The following WNT3 variants were observed in gnomAD, a reference collection of about 807,000 sequenced individuals.
WNT3 encodes proto-oncogene Wnt-3.
In WNT3, 7 loss-of-function variants were observed where a neutral mutation model predicts 34.2. The ratio of observed to expected loss-of-function variants is 0.20; its 90% confidence interval spans 0.12 to 0.38. WNT3 has a LOEUF of 0.38. Among genes scored for constraint, WNT3 ranks in the 10% least tolerant of loss-of-function variants. The pLI is 1.00. For synonymous variants in WNT3, 212 were observed against 211.5 expected, an observed-to-expected ratio of 1.00 and a Z score of -0.02; for missense variants, 267 against 499.8, an observed-to-expected ratio of 0.53 and a Z score of 4.44.
At chr17:46,784,835 G>A (rs2059489240) in intron 1 of WNT3, among the ~76,000 whole-genome samples, 1 of 150,842 alleles carries the variant, frequency 6.6e-6, no homozygotes, top group Admixed American at 6.6e-5. Flanking sequence ...GAGTGCAGTG[G>A]CGCGATCTCG....
intron 1 of WNT3, among the ~76,000 whole-genome samples, chr17:46,775,507 T>C (rs2059405465): frequency 6.6e-6 from 1 of 152,090 alleles, no homozygotes; most frequent in Admixed American, 6.6e-5. Context: ...GTGGAGGAAC[T>C]GAGGAGCCAG....
chr17:46,806,967 C>T (rs1288753859), intron 1 of WNT3, among the ~76,000 whole-genome samples: 2 of 152,164 alleles, frequency 1.3e-5, no homozygotes, highest in Admixed American at 6.5e-5. Context: ...GTGGCAATAG[C>T]ACCGTCGGCT....
intron 1 of WNT3, among the ~76,000 whole-genome samples, chr17:46,815,458 T>C (rs972646724): frequency 6.6e-6 from 1 of 152,178 alleles, no homozygotes; most frequent in Non-Finnish European, 1.5e-5. Flanking sequence ...CTGTAAATCC[T>C]TCCTGGGGAA....
chr17:46,801,095 C>A (rs2084119336), intron 1 of WNT3, among the ~76,000 whole-genome samples: 1 of 152,190 alleles, frequency 6.6e-6, no homozygotes, highest in South Asian at 2.1e-4. Flanking sequence ...CTCACAATAG[C>A]CCTCGTTATC....
chr17:46,785,567 C>T lies in WNT3; in HGVS notation c.81-11658G>A, dbSNP rs542035284. ...AATGACCACTTCTACATGCTGTGGA[C>T]GACTTTAGCAACTCCCTTCTGCCCG... is the stretch of plus-strand genomic sequence containing the variant. On this transcript the variant is annotated intron_variant, in intron 1 of 4. Coordinates refer to ENST00000225512, the MANE Select transcript of WNT3 (RefSeq NM_030753.5). Among the ~76,000 whole-genome samples, 12 of 152,344 alleles carry T rather than the reference C, an allele frequency of 7.9e-5. No individual in the cohort carries two copies. In the South Asian group the frequency reaches 1.9e-3, roughly 24 times the overall value.
intron 1 of WNT3, among the ~76,000 whole-genome samples, chr17:46,817,855 G>C (rs1177428394): frequency 6.6e-6 from 1 of 152,102 alleles, no homozygotes; most frequent in Non-Finnish European, 1.5e-5. Flanking sequence ...CCTTTTGCCA[G>C]GGTGGACAAG....
chr17:46,781,311 G>A (rs1258162848), intron 1 of WNT3, among the ~76,000 whole-genome samples: 2 of 151,378 alleles, frequency 1.3e-5, no homozygotes, highest in East Asian at 1.9e-4. Flanking sequence ...CAAGCTAAGC[G>A]ACAGAAGCCA....
chr17:46,771,702 C>T (rs1233663241), intron 2 of WNT3, among the ~76,000 whole-genome samples: 2 of 143,778 alleles, frequency 1.4e-5, no homozygotes, highest in African/African-American at 2.5e-5. Flanking sequence ...GCGGCCGGGC[C>T]GCGCCCCCGG....
chr17:46,776,906 C>A (rs559860777), intron 1 of WNT3, among the ~76,000 whole-genome samples: 1 of 152,128 alleles, frequency 6.6e-6, no homozygotes, highest in Non-Finnish European at 1.5e-5. Context: ...TTCCTGCCTC[C>A]TCCTTCCTCC....
chr17:46,808,667 C>G (rs1368698804), intron 1 of WNT3, among the ~76,000 whole-genome samples: 1 of 152,138 alleles, frequency 6.6e-6, no homozygotes, highest in Non-Finnish European at 1.5e-5. Flanking sequence ...TTAACCTGTT[C>G]CTAGATAGAG....
chr17:46,810,005 T>C (rs1468170771), intron 1 of WNT3, among the ~76,000 whole-genome samples: 1 of 77,754 alleles, frequency 1.3e-5, no homozygotes, highest in Non-Finnish European at 3.0e-5. Context: ...TCTTTCTTTC[T>C]TTTTTTTTTT....
chr17:46,812,556 G>A (rs533509302), intron 1 of WNT3, among the ~76,000 whole-genome samples: 5 of 152,140 alleles, frequency 3.3e-5, no homozygotes, highest in Non-Finnish European at 5.9e-5. Flanking sequence ...CAAGAGTCTG[G>A]CAGACTCTGG....
At chr17:46,780,416 C>T (rs2059450542) in intron 1 of WNT3, among the ~76,000 whole-genome samples, 1 of 152,210 alleles carries the variant, frequency 6.6e-6, no homozygotes, top group African/African-American at 2.4e-5. Flanking sequence ...AAAGAGGGCC[C>T]TGTCCCTCAA....
chr17:46,813,943 G>A (rs2084308026), intron 1 of WNT3, among the ~76,000 whole-genome samples: 2 of 152,372 alleles, frequency 1.3e-5, no homozygotes, highest in Middle Eastern at 3.4e-3. Flanking sequence ...GACTGAGCAT[G>A]TATCCAGATG....
chr17:46,783,980 G>T (rs1455010283), intron 1 of WNT3, among the ~76,000 whole-genome samples: 1 of 152,220 alleles, frequency 6.6e-6, no homozygotes, highest in African/African-American at 2.4e-5. Flanking sequence ...GCTGGGAGGC[G>T]GGGTTGACGT....
intron 1 of WNT3, among the ~76,000 whole-genome samples, chr17:46,782,617 A>G (rs1029268632): frequency 3.9e-5 from 6 of 152,244 alleles, no homozygotes; most frequent in African/African-American, 1.4e-4. Flanking sequence ...GGCAGATGTC[A>G]GGACAGGAAG....
chr17:46,770,423 G>A (rs948594613), intron 2 of WNT3, among the ~76,000 whole-genome samples: 6 of 152,164 alleles, frequency 3.9e-5, no homozygotes, highest in Non-Finnish European at 8.8e-5. Context: ...CCAAAGTCCA[G>A]AGACCACCCT....
intron 1 of WNT3, among the ~76,000 whole-genome samples, chr17:46,817,017 C>A (rs1211677548): frequency 6.6e-6 from 1 of 152,212 alleles, no homozygotes; most frequent in African/African-American, 2.4e-5. Flanking sequence ...TAGCCCAGCC[C>A]CCCGGAAAAG....
At chr17:46,771,445 A>AGCG (rs1372159296) in intron 2 of WNT3, among the ~76,000 whole-genome samples, 3 of 149,940 alleles carry the variant, frequency 2.0e-5, no homozygotes, top group African/African-American at 7.3e-5. Flanking sequence ...TCGCGGCGGC[A>AGCG]GCGGCGCCCG....
Sources: allele counts gnomAD v4.1 joint callset (sites outside exome capture counted in the v4.1 genomes callset), GRCh38; gene constraint gnomAD v4.1.1; transcripts MANE v1.5; gene names NCBI Gene and HGNC (gene_info 2026-07-23, HGNC 2026-07-21).